SGCZ: variants seen among roughly 807,000 people sequenced by gnomAD.
SGCZ encodes the protein zeta-sarcoglycan.
In SGCZ, 40 loss-of-function variants were observed where a neutral mutation model predicts 41.3. The ratio of observed to expected loss-of-function variants is 0.97; its 90% CI spans 0.75 to 1.26. The LOEUF (loss-of-function observed/expected upper bound fraction) is 1.26, where lower values mean the gene tolerates loss of function less well. SGCZ is among the 50% of genes most tolerant of loss of function. The pLI, the probability that SGCZ is intolerant of heterozygous loss-of-function variation, is 0.00. For missense variants in SGCZ, 552 were observed against 369.8 expected, an observed-to-expected ratio of 1.49 and a Z score of -4.04; for synonymous variants, 206 against 137.5, an observed-to-expected ratio of 1.50 and a Z score of -3.49.
chr8:14,325,261 G>T (rs1340337648), intron 2 of SGCZ, among the ~76,000 whole-genome samples: 1 of 151,962 alleles, frequency 6.6e-6, no homozygotes, highest in African/African-American at 2.4e-5. Context: ...TATGGTGGAA[G>T]AAAAATTTAC....
intron 5 of SGCZ, among the ~76,000 whole-genome samples, chr8:14,118,239 G>C (rs1245319245): frequency 6.6e-6 from 1 of 152,026 alleles, no homozygotes; most frequent in African/African-American, 2.4e-5. Context: ...ATTCTCTCCA[G>C]CATCTGTTGT....
At chr8:14,366,046 A>C (rs1426013620) in intron 2 of SGCZ, among the ~76,000 whole-genome samples, 4 of 152,066 alleles carry the variant, frequency 2.6e-5, no homozygotes, top group Non-Finnish European at 5.9e-5. Flanking sequence ...ACTTTCATGC[A>C]TCTTGAGTTG....
At chr8:15,223,176 C>A (rs1801661214) in intron 1 of SGCZ, among the ~76,000 whole-genome samples, 1 of 152,128 alleles carries the variant, frequency 6.6e-6, no homozygotes, top group South Asian at 2.1e-4. Flanking sequence ...ACTTGGTTTA[C>A]TGTCATCCGT....
At chr8:14,751,874 C>T (rs1278659787) in intron 1 of SGCZ, among the ~76,000 whole-genome samples, 3 of 151,278 alleles carry the variant, frequency 2.0e-5, no homozygotes, top group African/African-American at 7.3e-5. Flanking sequence ...AGAGCTTGCA[C>T]TGAGCCAAAA....
At chr8:14,692,858 T>A (rs1415842934) in intron 1 of SGCZ, among the ~76,000 whole-genome samples, 1 of 152,186 alleles carries the variant, frequency 6.6e-6, no homozygotes, top group Non-Finnish European at 1.5e-5. Flanking sequence ...AAACTTCAAT[T>A]TTCTGATTTC....
intron 1 of SGCZ, among the ~76,000 whole-genome samples, chr8:14,898,765 G>A (rs1394902660): frequency 2.0e-5 from 3 of 152,130 alleles, no homozygotes; most frequent in African/African-American, 7.2e-5. Context: ...AATACTAGTT[G>A]GAGATAAGAT....
At chr8:14,275,415 G>A (rs1413721236) in intron 3 of SGCZ, among the ~76,000 whole-genome samples, 4 of 152,134 alleles carry the variant, frequency 2.6e-5, no homozygotes, top group African/African-American at 9.6e-5. Context: ...CAATCTAAAG[G>A]CTTCGAACAG....
chr8:15,114,466 T>G (rs760930384), intron 1 of SGCZ, among the ~76,000 whole-genome samples: 1 of 152,242 alleles, frequency 6.6e-6, no homozygotes, highest in Non-Finnish European at 1.5e-5. Context: ...TACAAATGTA[T>G]TTTGATTTAT....
chr8:14,347,058 A>G (rs1802912177), intron 2 of SGCZ, among the ~76,000 whole-genome samples: 1 of 152,122 alleles, frequency 6.6e-6, no homozygotes, highest in African/African-American at 2.4e-5. Flanking sequence ...TTAATCAGCC[A>G]TAGAGAATAT....
chr8:14,628,184 G>A (rs181452778), intron 1 of SGCZ, among the ~76,000 whole-genome samples: 110 of 152,070 alleles, frequency 7.2e-4, no homozygotes, highest in African/African-American at 2.5e-3. Context: ...ACAAGGTGGG[G>A]GTTGCTGTTT....
intron 3 of SGCZ, among the ~76,000 whole-genome samples, chr8:14,247,096 G>C (rs576086777): frequency 2.6e-5 from 4 of 152,256 alleles, no homozygotes; most frequent in Admixed American, 1.3e-4. Flanking sequence ...TGAATGTGAA[G>C]TAATGCAGAA....
intron 1 of SGCZ, among the ~76,000 whole-genome samples, chr8:14,900,258 C>T (rs770922212): frequency 2.6e-5 from 4 of 151,852 alleles, no homozygotes; most frequent in Non-Finnish European, 5.9e-5. Flanking sequence ...ATCTTTAAGG[C>T]AAAAAGTACT....
chr8:14,375,512 C>G (rs4372004), intron 2 of SGCZ, among the ~76,000 whole-genome samples: 1 of 151,640 alleles, frequency 6.6e-6, no homozygotes, highest in African/African-American at 2.4e-5. Flanking sequence ...AGCATAAAGT[C>G]GAATAATTAA....
intron 1 of SGCZ, among the ~76,000 whole-genome samples, chr8:14,575,643 A>C (rs1804682671): frequency 6.6e-6 from 1 of 152,268 alleles, no homozygotes; most frequent in African/African-American, 2.4e-5. Flanking sequence ...ACAGTGGTGT[A>C]CGCCTGTAAT....
intron 4 of SGCZ, among the ~76,000 whole-genome samples, chr8:14,234,310 C>CATAT (rs911015015): frequency 3.3e-5 from 5 of 152,010 alleles, no homozygotes; most frequent in Admixed American, 2.0e-4. Flanking sequence ...CACTGGACTA[C>CATAT]ATATATCCCT....
Position 15,174,426 on chromosome 8 carries a change from G to A in SGCZ, c.39+63159C>T, listed in dbSNP as rs73665393. Among the ~76,000 whole-genome samples, 1,169 of 152,196 alleles carry A rather than the reference G, an allele frequency of 7.7e-3. 10 individuals are homozygous for A. Among genetic ancestry groups the A allele is most frequent in the African/African-American group, 0.027 (1,123 of 41,536 alleles). On this transcript the variant is annotated intron_variant, in intron 1 of 7. Transcript: ENST00000382080. Reference sequence around the variant, plus strand: ...AAAACAAAGATAAAACAGAACCCCAGAACTTGCTTCATTATTGATCTTTTA... The same window carrying A: ...AAAACAAAGATAAAACAGAACCCCAAAACTTGCTTCATTATTGATCTTTTA...
intron 4 of SGCZ, among the ~76,000 whole-genome samples, chr8:14,196,993 T>A (rs181844387): frequency 2.0e-5 from 3 of 152,098 alleles, no homozygotes; most frequent in Non-Finnish European, 2.9e-5. Flanking sequence ...AATAAGTACA[T>A]TTCAAAGGTA....
intron 2 of SGCZ, among the ~76,000 whole-genome samples, chr8:14,528,717 C>T (rs1381016377): frequency 1.3e-5 from 2 of 151,830 alleles, no homozygotes; most frequent in African/African-American, 2.4e-5. Context: ...TGTCCTCCCT[C>T]TCTGCCCTGG....
intron 2 of SGCZ, among the ~76,000 whole-genome samples, chr8:14,347,733 T>A (rs992484618): frequency 6.6e-6 from 1 of 152,080 alleles, no homozygotes; most frequent in African/African-American, 2.4e-5. Context: ...ATGTCACGTA[T>A]GTAATTCACT....
Sources: allele counts gnomAD v4.1 joint callset (sites outside exome capture counted in the v4.1 genomes callset), GRCh38; gene constraint gnomAD v4.1.1; transcripts MANE v1.5; gene names NCBI Gene and HGNC (gene_info 2026-07-23, HGNC 2026-07-21).